Variants in PDLIM5 observed in about 807,000 individuals in gnomAD.
The protein encoded by PDLIM5 is PDZ and LIM domain protein 5.
In PDLIM5, 34 loss-of-function variants were observed where a neutral mutation model predicts 64.2. The ratio of observed to expected loss-of-function variants is 0.53; its 90% CI spans 0.40 to 0.71. PDLIM5 has a LOEUF of 0.71. PDLIM5 is among the 30% of genes least tolerant of loss of function. PDLIM5 has a pLI of 0.00. For synonymous variants in PDLIM5, 253 were observed against 269.1 expected (o/e 0.94, Z 0.59); for missense variants, 683 against 733.6 (o/e 0.93, Z 0.80).
At chr4:94,558,879 T>A (rs1164587873) in intron 3 of PDLIM5, among the ~76,000 whole-genome samples, 1 of 152,084 alleles carries the variant, frequency 6.6e-6, no homozygotes, top group South Asian at 2.1e-4. Flanking sequence ...AAGTAGATGA[T>A]CTTAAATGTT....
At chr4:94,517,373 A>G (rs1251916937) in intron 2 of PDLIM5, among the ~76,000 whole-genome samples, 1 of 152,252 alleles carries the variant, frequency 6.6e-6, no homozygotes. Context: ...TTATATGTCC[A>G]GATTCAAATT....
intron 2 of PDLIM5, among the ~76,000 whole-genome samples, chr4:94,489,407 A>G (rs1726654786): frequency 6.6e-6 from 1 of 152,170 alleles, no homozygotes; most frequent in Admixed American, 6.6e-5. Flanking sequence ...ACTGAGTAGT[A>G]TATAAATGAT....
At chr4:94,640,128 T>C (rs17021917) in intron 8 of PDLIM5, 148 bp from the exon 9 acceptor site, 11,525 of 432,840 alleles carry the variant, frequency 0.027, 501 homozygotes, top group East Asian at 0.14. Context: ...CACAGCCTAG[T>C]GTTTGATTCA....
intron 11 of PDLIM5, among the ~76,000 whole-genome samples, chr4:94,659,839 T>C (rs950012604): frequency 2.0e-5 from 3 of 151,688 alleles, no homozygotes; most frequent in African/African-American, 7.3e-5. Flanking sequence ...GTAATAGTTT[T>C]TGAAATGTGA....
rs1411328797 is a variant in PDLIM5 at position 94,523,180 on chromosome 4, A to G, written c.97-544A>G. On this transcript the variant is annotated intron_variant, in intron 2 of 12. Coordinates refer to ENST00000317968, the MANE Select transcript of PDLIM5 (RefSeq NM_006457.5). ...GCCTAGAGCAGGAAGCACACCCAGTATAAAAGATATTTGGGCTTGGAATCT... is the reference window on the plus strand; with the variant it reads ...GCCTAGAGCAGGAAGCACACCCAGTGTAAAAGATATTTGGGCTTGGAATCT... 6.6e-5 allele frequency among the ~76,000 whole-genome samples: 10 copies of G among 152,320 alleles called. No individual in the cohort carries two copies. In the East Asian group the frequency reaches 1.9e-3, roughly 29 times the overall value.
chr4:94,604,281 C>T (rs1185058161), intron 7 of PDLIM5, among the ~76,000 whole-genome samples: 1 of 152,126 alleles, frequency 6.6e-6, no homozygotes, highest in Non-Finnish European at 1.5e-5. Context: ...TGTATGATTC[C>T]ACTGATAGGA....
At chr4:94,462,368 T>TA (rs149596599) in intron 2 of PDLIM5, among the ~76,000 whole-genome samples, 3,351 of 148,282 alleles carry the variant, frequency 0.023, 90 homozygotes, top group African/African-American at 0.07. Context: ...TAGAAATACT[T>TA]TTTTTTTTGG....
intron 3 of PDLIM5, among the ~76,000 whole-genome samples, chr4:94,540,491 G>T (rs1450980252): frequency 3.3e-5 from 5 of 152,180 alleles, no homozygotes; most frequent in Non-Finnish European, 7.4e-5. Flanking sequence ...ACACAGCCAG[G>T]ATGAAAAACA....
chr4:94,637,434 C>T (rs1268416166), intron 8 of PDLIM5, among the ~76,000 whole-genome samples: 1 of 152,086 alleles, frequency 6.6e-6, no homozygotes, highest in African/African-American at 2.4e-5. Context: ...TGGCAGCCAC[C>T]TGTAATCCCA....
At chr4:94,633,360 C>T (rs1393975243) in intron 8 of PDLIM5, among the ~76,000 whole-genome samples, 1 of 152,152 alleles carries the variant, frequency 6.6e-6, no homozygotes, top group Non-Finnish European at 1.5e-5. Context: ...TCATTGTAAA[C>T]TCATAGACTT....
At chr4:94,509,791 T>C (rs1728704386) in intron 2 of PDLIM5, among the ~76,000 whole-genome samples, 1 of 152,268 alleles carries the variant, frequency 6.6e-6, no homozygotes, top group Admixed American at 6.5e-5. Context: ...CAGTCTCTCT[T>C]TTCACATTTT....
chr4:94,585,560 C>T lies in PDLIM5; in HGVS notation c.711-5C>T. 6.4e-7 allele frequency: 1 copy of T among 1,563,778 alleles called. No individual in the cohort carries two copies. Among genetic ancestry groups the T allele is most frequent in the Non-Finnish European group, 8.7e-7 (1 of 1,150,244 alleles). On this transcript the variant is annotated splice_polypyrimidine_tract_variant and splice_region_variant and intron_variant, in intron 5 of 12. Transcript: ENST00000317968. ...TTTTAATTTTTTTTTTCTCCTTAAC[C>T]CTAGCCCACCAAGAAAACACATTGT...
intron 2 of PDLIM5, among the ~76,000 whole-genome samples, chr4:94,515,939 A>G (rs537146883): frequency 1.3e-5 from 2 of 152,236 alleles, no homozygotes; most frequent in African/African-American, 2.4e-5. Context: ...ACAGACTATC[A>G]TACTTTCACA....
At chr4:94,645,285 A>G (rs759317176) in intron 9 of PDLIM5, among the ~76,000 whole-genome samples, 2 of 152,210 alleles carry the variant, frequency 1.3e-5, no homozygotes, top group Non-Finnish European at 2.9e-5. Flanking sequence ...TCCATTGTGT[A>G]TATATACCAC....
intron 2 of PDLIM5, among the ~76,000 whole-genome samples, chr4:94,470,154 G>GAC (rs368744804): frequency 0.012 from 1,789 of 151,806 alleles, 41 homozygotes; most frequent in African/African-American, 0.04. Context: ...TTTTAGTAGA[G>GAC]AGGTTTTCAC....
chr4:94,502,068 C>A (rs947189887), intron 2 of PDLIM5, among the ~76,000 whole-genome samples: 7 of 151,770 alleles, frequency 4.6e-5, no homozygotes, highest in Non-Finnish European at 8.8e-5. Flanking sequence ...TCCCCTTTTC[C>A]CTTATTCCTA....
chr4:94,587,197 C>A, intron 7 of PDLIM5: 1 of 1,437,984 alleles, frequency 7.0e-7, no homozygotes, highest in Non-Finnish European at 9.1e-7. Flanking sequence ...AGAACTTTTT[C>A]TATACTTTTC....
intron 11 of PDLIM5, among the ~76,000 whole-genome samples, chr4:94,658,468 A>G (rs1201063101): frequency 1.3e-5 from 2 of 152,246 alleles, no homozygotes; most frequent in Non-Finnish European, 2.9e-5. Context: ...TTACTACCAC[A>G]TATACATGTT....
At chr4:94,455,460 G>C in intron 2 of PDLIM5, 76 bp downstream of exon 2, 1 of 912,918 alleles carries the variant, frequency 1.1e-6, no homozygotes, top group Non-Finnish European at 1.8e-6. Flanking sequence ...TTAATTCTCT[G>C]TTGACCTGTA....
Sources: gnomAD v4.1 joint callset for allele counts (sites outside exome capture counted in the v4.1 genomes callset) on GRCh38, gnomAD v4.1.1 for gene constraint, MANE v1.5 for transcripts, NCBI Gene and HGNC (gene_info 2026-07-23, HGNC 2026-07-21) for gene names.